Variants in PMM1 observed in about 807,000 individuals in gnomAD.
The protein encoded by PMM1 is phosphomannomutase 1.
Under a neutral mutation model 34.0 loss-of-function variants are expected in PMM1, and 25 were observed. The observed-to-expected ratio is 0.73, with a 90% CI of 0.54 to 1.03. The LOEUF (loss-of-function observed/expected upper bound fraction) is 1.03, where lower values mean the gene tolerates loss of function less well. Ranked by LOEUF, PMM1 falls within the 50% of genes least tolerant of loss-of-function variation. The probability of loss-of-function intolerance (pLI) is 0.00; values close to 1 mark genes in which losing one functional copy is unlikely to be tolerated. For synonymous variants in PMM1, 134 were observed against 143.9 expected (o/e 0.93, Z 0.49); for missense variants, 321 against 350.1 (o/e 0.92, Z 0.66).
At chr22:41,581,255 C>T (rs1220693242) in intron 5 of PMM1, among the ~76,000 whole-genome samples, 1 of 151,458 alleles carries the variant, frequency 6.6e-6, no homozygotes, top group Non-Finnish European at 1.5e-5. Context: ...GCCTAGGCAG[C>T]GAAGGTTGCA....
intron 1 of PMM1, 58 bp downstream of exon 1, chr22:41,589,661 G>C: frequency 1.4e-6 from 2 of 1,435,104 alleles, no homozygotes; most frequent in Non-Finnish European, 1.9e-6. Context: ...CCCACACTCA[G>C]CCTCGGGGGT....
chr22:41,589,046 T>C, intron 1 of PMM1: 3 of 1,288,198 alleles, frequency 2.3e-6, no homozygotes, highest in Non-Finnish European at 3.1e-6. Context: ...AAAACTAGAC[T>C]CTTACCCTCA....
intron 5 of PMM1, among the ~76,000 whole-genome samples, chr22:41,581,626 G>A (rs551800658): frequency 7.5e-4 from 114 of 152,174 alleles, no homozygotes; most frequent in African/African-American, 2.6e-3. Context: ...GGTTGAGGTG[G>A]GTGGATTGCC....
rs753303630 is a variant in PMM1, at chr22:41,589,822, G to C, written c.-17C>G. ...GACTGCCATGGCTGCAGGTCCGCGC[G>C]CGGGGCGGAGTCCCGAAGATGCAAC... is the stretch of plus-strand genomic sequence containing the variant. On this transcript the variant is annotated 5_prime_UTR_variant, in exon 1 of 8. Transcript: ENST00000216259. 30 of 1,590,378 alleles carry C rather than the reference G, an allele frequency of 1.9e-5. No individual in the cohort carries two copies. The highest frequency in any genetic ancestry group is 1.9e-4 in the Middle Eastern group (1 of 5,190).
intron 1 of PMM1, among the ~76,000 whole-genome samples, chr22:41,587,442 A>C (rs1308330149): frequency 1.7e-5 from 1 of 59,616 alleles, no homozygotes; most frequent in Admixed American, 2.5e-4. Context: ...TTTCATCTCC[A>C]AAAAAAAAAA....
At position 41,588,544 on chromosome 22, in the gene PMM1, G is replaced by A. The variant is rs969729572; in HGVS notation, c.87+1175C>T. 16 of 587,114 alleles carry A rather than the reference G, an allele frequency of 2.7e-5. No individual in the cohort carries two copies. The East Asian group carries it at 1.0e-3, about 37-fold the overall frequency. The allele number at this position is 587,114 out of a possible 1,614,324, so 36.4% of individuals were successfully genotyped here. A position where few individuals can be genotyped will look rare whatever the true frequency, so the allele number is the denominator to read the frequency against. ...TAATTTTTGTATTTTTAGTAGAGAC[G>A]GGGTTTCACCATGTTAGCCAGACTG... On this transcript the variant is annotated intron_variant, in intron 1 of 7. Coordinates refer to ENST00000216259, the MANE Select transcript of PMM1 (RefSeq NM_002676.3).
intron 2 of PMM1, chr22:41,584,881 C>T (rs530749217): frequency 2.5e-6 from 1 of 407,160 alleles, no homozygotes; most frequent in Non-Finnish European, 4.4e-6. Flanking sequence ...CACTCATCCT[C>T]CAAGATTCAG....
intron 6 of PMM1, 62 bp from the exon 7 acceptor site, chr22:41,577,985 G>A: frequency 3.2e-6 from 4 of 1,255,080 alleles, no homozygotes; most frequent in Non-Finnish European, 4.7e-6. Flanking sequence ...CTAACAGAAG[G>A]GCTGCTTGTT....
chr22:41,582,208 G>T (rs923331810), intron 5 of PMM1, among the ~76,000 whole-genome samples: 3 of 151,924 alleles, frequency 2.0e-5, no homozygotes, highest in African/African-American at 7.3e-5. Context: ...CTACAGTCTT[G>T]GTGCTTTGGA....
intron 1 of PMM1, among the ~76,000 whole-genome samples, chr22:41,586,798 C>T (rs1392213008): frequency 3.3e-5 from 5 of 149,592 alleles, no homozygotes; most frequent in African/African-American, 4.9e-5. Flanking sequence ...CGTGAGCCAC[C>T]GTGCCTGGCC....
chr22:41,581,789 C>G (rs1301598935), intron 5 of PMM1, among the ~76,000 whole-genome samples: 2 of 152,138 alleles, frequency 1.3e-5, no homozygotes, highest in Non-Finnish European at 2.9e-5. Flanking sequence ...AAGATCGAGA[C>G]CATCCTGGCC....
rs999404977 is a variant in PMM1, at chr22:41,577,406, C to T, written c.701G>A (p.Arg234Gln). 1.5e-5 allele frequency: 24 copies of T among 1,612,428 alleles called. No individual in the cohort carries two copies. Among genetic ancestry groups the T allele is most frequent in the East Asian group, 4.5e-5 (2 of 44,902 alleles). ...GNDFEIFADPRTVGHSVVSPQ... is the reference protein window; with the variant it reads ...GNDFEIFADPQTVGHSVVSPQ... ...AGACACCACGCTGTGGCCAACAGTCCGGGGGTCGGCAAAGATCTCAAAGTC... is the reference window on the plus strand; with the variant it reads ...AGACACCACGCTGTGGCCAACAGTCTGGGGGTCGGCAAAGATCTCAAAGTC... Residue 234 changes from arginine to glutamine, a missense_variant, in exon 8 of 8, where the codon CGG (arginine) becomes CAG (glutamine). Coordinates refer to ENST00000216259, the MANE Select transcript of PMM1 (RefSeq NM_002676.3).
intron 1 of PMM1, among the ~76,000 whole-genome samples, chr22:41,588,173 C>G (rs1319014531): frequency 6.6e-6 from 1 of 152,160 alleles, no homozygotes; most frequent in African/African-American, 2.4e-5. Context: ...GCCTCTGCCT[C>G]CCCAGTAGCT....
intron 1 of PMM1, 108 bp from the exon 2 acceptor site, chr22:41,586,301 A>T (rs1453735773): frequency 1.3e-6 from 2 of 1,565,056 alleles, no homozygotes; most frequent in South Asian, 2.3e-5. Flanking sequence ...TTCTACCTGG[A>T]TCTGAAGCAG....
intron 1 of PMM1, chr22:41,588,921 C>A: frequency 8.6e-7 from 1 of 1,160,782 alleles, no homozygotes; most frequent in Non-Finnish European, 1.1e-6. Context: ...ATGAAGCCTG[C>A]TTACTGATGC....
At chr22:41,584,798 C>T (rs757948245) in intron 2 of PMM1, 195 bp from the exon 3 acceptor site, 32 of 573,662 alleles carry the variant, frequency 5.6e-5, no homozygotes, top group Non-Finnish European at 9.0e-5. Context: ...AAGCCAGTCA[C>T]ACCTGTGGGC....
chr22:41,577,167 T>G lies in PMM1; in HGVS notation c.*151A>C, dbSNP rs1602002514. 2.0e-6 allele frequency: 2 copies of G among 1,017,352 alleles called. No homozygotes were observed. The highest frequency in any genetic ancestry group is 1.8e-5 in the Admixed American group (1 of 54,930). The allele number at this position is 1,017,352 out of a possible 1,614,324, so 63.0% of individuals were successfully genotyped here. A position where few individuals can be genotyped will look rare whatever the true frequency, so the allele number is the denominator to read the frequency against. Reference sequence around the variant, plus strand: ...CTAGGAGCAGACTGGCTGGGGACGGTTGTCCACACAGACTCTGGCCCCATC... The same window carrying G: ...CTAGGAGCAGACTGGCTGGGGACGGGTGTCCACACAGACTCTGGCCCCATC... On this transcript the variant is annotated 3_prime_UTR_variant, in exon 8 of 8. Coordinates refer to ENST00000216259, the MANE Select transcript of PMM1 (RefSeq NM_002676.3).
chr22:41,581,933 C>T (rs761336529), intron 5 of PMM1, among the ~76,000 whole-genome samples: 3 of 151,754 alleles, frequency 2.0e-5, no homozygotes, highest in South Asian at 2.1e-4. Flanking sequence ...TCCAGTGAGC[C>T]GAGATTGTGC....
chr22:41,577,620 GC>G, intron 7 of PMM1, 180 bp from the exon 8 acceptor site: 1 of 842,254 alleles, frequency 1.2e-6, no homozygotes, highest in Non-Finnish European at 1.9e-6. Flanking sequence ...GCCTCTTGGG[GC>G]CCCAGCTTTC....
Sources: gnomAD v4.1 joint callset for allele counts (sites outside exome capture counted in the v4.1 genomes callset) on GRCh38, gnomAD v4.1.1 for gene constraint, MANE v1.5 for transcripts, NCBI Gene and HGNC (gene_info 2026-07-23, HGNC 2026-07-21) for gene names.